Variants in HSPB7 observed in about 807,000 individuals in gnomAD.
HSPB7 encodes the protein heat shock protein beta-7.
A neutral mutation model predicts 11.0 loss-of-function variants in HSPB7; 9 were observed. The observed-to-expected ratio is 0.82, with a 90% CI of 0.49 to 1.43. HSPB7 has a LOEUF of 1.43. Among genes scored for constraint, HSPB7 ranks in the 40% most tolerant of loss-of-function variants. The pLI is 0.00. For missense variants in HSPB7, 246 were observed against 243.9 expected (o/e 1.01, Z -0.06); for synonymous variants, 102 against 101.6 (o/e 1.00, Z -0.02).
At chr1:16,018,197 G>C (rs2021915619), upstream of HSPB7, 2 of 1,503,260 alleles carry the variant, frequency 1.3e-6, no homozygotes, top group East Asian at 2.7e-5. Context: ...CCGACACGCA[G>C]GCCGAGAGGG....
chr1:16,016,072 A>T (rs1235429347), intron 2 of HSPB7, among the ~76,000 whole-genome samples: 1 of 152,222 alleles, frequency 6.6e-6, no homozygotes, highest in South Asian at 2.1e-4. Flanking sequence ...GGGAACGTGG[A>T]GGTGACAGAG....
Position 16,015,624 on chromosome 1 carries a change from T to A in HSPB7, c.469A>T (p.Thr157Ser). 6.2e-7 allele frequency: 1 copy of A among 1,614,020 alleles called. No homozygotes were observed. The highest frequency in any genetic ancestry group is 8.5e-7 in the Non-Finnish European group (1 of 1,179,948). Residue 157 changes from threonine to serine, a missense_variant, in exon 3 of 3, where the codon ACA (threonine) becomes TCA (serine). Physicochemically the swap from Thr to Ser is moderately conservative, Grantham distance 58 (BLOSUM62 1). Coordinates refer to ENST00000311890, the MANE Select transcript of HSPB7 (RefSeq NM_014424.5). This position sits in a 1 kb window ranked among gnomAD's most constrained non-coding sequence, Gnocchi z 4.9. ...LTIRARRHPHTEHVQQTFRTE... is the reference protein window; with the variant it reads ...LTIRARRHPHSEHVQQTFRTE... ...CGGAAGGTCTGCTGGACGTGTTCTG[T>A]ATGCGGGTGACGCCGTGCCCGGATA...
In HSPB7 at chr1:16,015,842, T is replaced by G; in HGVS notation, c.334-83A>C. 1.5e-6 allele frequency: 2 copies of G among 1,339,008 alleles called. No homozygotes were observed. The highest frequency in any genetic ancestry group is 2.0e-6 in the Non-Finnish European group (2 of 985,596). The allele number at this position is 1,339,008 out of a possible 1,614,324, so 82.9% of individuals were successfully genotyped here. On this transcript the variant is annotated intron_variant, in intron 2 of 2. Transcript: ENST00000311890. This position sits in a 1 kb window ranked among gnomAD's most constrained non-coding sequence, Gnocchi z 4.9. ...AGCCAGAGCCCTCTTCTCCCCATTC[T>G]AACCCCAGCCAGACCCCACATGCCG...
At chr1:16,018,534 C>T (rs2021936596), upstream of HSPB7, 1 of 1,082,672 alleles carries the variant, frequency 9.2e-7, no homozygotes, top group South Asian at 2.5e-5. Flanking sequence ...CTTCACAGCC[C>T]ATCTCTAAGG....
rs759465082 is a variant in HSPB7 at position 16,017,180 on chromosome 1, T to A, written c.227A>T (p.Lys76Met). 1.2e-5 allele frequency: 19 copies of A among 1,613,588 alleles called. No individual in the cohort carries two copies. Among genetic ancestry groups the A allele is most frequent in the Non-Finnish European group, 3.4e-6 (4 of 1,179,558 alleles). Residue 76 changes from lysine to methionine, a missense_variant, in exon 2 of 3, where the codon AAG becomes ATG. Coordinates refer to ENST00000311890, the MANE Select transcript of HSPB7 (RefSeq NM_014424.5). ...PARPGGAGNI[K>M]TLGDAYEFAV... ...AAACTCATAGGCGTCTCCTAGGGTC[T>A]TGATGTTGCCTGCCCCACCGGGGCG...
At chr1:16,016,152 C>G (rs2021707234) in intron 2 of HSPB7, among the ~76,000 whole-genome samples, 1 of 152,258 alleles carries the variant, frequency 6.6e-6, no homozygotes, top group South Asian at 2.1e-4. Flanking sequence ...GCCGGCCCCT[C>G]CCCCGCAACT....
At chr1:16,019,298 TCACATGGGCC>T, upstream of HSPB7, 1 of 1,466,980 alleles carries the variant, frequency 6.8e-7, no homozygotes. Context: ...CTGCTCCTGC[TCACATGGGCC>T]CACACCCAGT....
Position 16,015,821 on chromosome 1 carries a change from A to G in HSPB7, c.334-62T>C. 1 of 1,453,630 alleles carries G rather than the reference A, an allele frequency of 6.9e-7. No homozygotes were observed. The highest frequency in any genetic ancestry group is 9.3e-7 in the Non-Finnish European group (1 of 1,076,690). 90.0% of individuals were successfully genotyped at this position (1,453,630 alleles called of 1,614,324 possible). On this transcript the variant is annotated intron_variant, in intron 2 of 2. Coordinates refer to ENST00000311890, the MANE Select transcript of HSPB7 (RefSeq NM_014424.5). The surrounding 1 kb of genome is among the most constrained non-coding windows in gnomAD (Gnocchi z 4.9). The stretch of plus-strand genomic sequence containing the variant: ...ACCCCTGTCCTGCTTGTGACAAGCC[A>G]GAGCCCTCTTCTCCCCATTCTAACC...
Position 16,014,827 on chromosome 1 carries a change from G to T in HSPB7, c.*753C>A. Reference sequence around the variant, plus strand: ...GCCCCAAGAACACAGGCCTGTGGGAGGGAGAAGGACCAGCCCCACCCCCAA... The same window carrying T: ...GCCCCAAGAACACAGGCCTGTGGGATGGAGAAGGACCAGCCCCACCCCCAA... On this transcript the variant is annotated 3_prime_UTR_variant, in exon 3 of 3. Coordinates refer to ENST00000311890, the MANE Select transcript of HSPB7 (RefSeq NM_014424.5). The T allele has an allele frequency of 6.6e-6, 1 of 152,438 alleles. No homozygotes were observed. The highest frequency in any genetic ancestry group is 1.5e-5 in the Non-Finnish European group (1 of 68,106). The allele number at this position is 152,438 out of a possible 1,614,324, so 9.4% of individuals were successfully genotyped here. A position where few individuals can be genotyped will look rare whatever the true frequency, so the allele number is the denominator to read the frequency against.
In HSPB7 at chr1:16,015,782, G is replaced by T. The variant is rs1180253118; in HGVS notation, c.334-23C>A. 5 of 1,558,014 alleles carry T rather than the reference G, an allele frequency of 3.2e-6. No homozygotes were observed. In the African/African-American group the frequency reaches 5.4e-5, roughly 17 times the overall value. ...CAGCTGGGGAAGGGGTGACCCGTCA[G>T]GCAGGCTGCCCCGACCCCTGTCCTG... On this transcript the variant is annotated intron_variant, in intron 2 of 2. Coordinates refer to ENST00000311890, the MANE Select transcript of HSPB7 (RefSeq NM_014424.5). This position sits in a 1 kb window ranked among gnomAD's most constrained non-coding sequence, Gnocchi z 4.9.
At position 16,015,332 on chromosome 1, in the gene HSPB7, C is replaced by G; in HGVS notation, c.*248G>C. ...TAGATCTTCCTTCCCTGACCCCAGC[C>G]CCTGTACTCTGGATTAAGTGACGGA... is the stretch of plus-strand genomic sequence containing the variant. On this transcript the variant is annotated 3_prime_UTR_variant, in exon 3 of 3. Transcript: ENST00000311890. This position sits in a 1 kb window ranked among gnomAD's most constrained non-coding sequence, Gnocchi z 4.9. 3.9e-6 allele frequency: 2 copies of G among 514,696 alleles called. No homozygotes were observed. The highest frequency in any genetic ancestry group is 4.4e-5 in the South Asian group (2 of 45,820). The allele number at this position is 514,696 out of a possible 1,614,324, so 31.9% of individuals were successfully genotyped here.
rs2021559019 is a variant in HSPB7 at position 16,014,544 on chromosome 1, G to C, written c.*1036C>G. On this transcript the variant is annotated 3_prime_UTR_variant, in exon 3 of 3. Coordinates refer to ENST00000311890, the MANE Select transcript of HSPB7 (RefSeq NM_014424.5). ...ATGTTTCCCCGTTAATGAAAATGGA[G>C]ATTGTAAATCTGATTTGAGAAAGCT... 6.6e-6 allele frequency: 1 copy of C among 152,228 alleles called. No individual in the cohort carries two copies. The highest frequency in any genetic ancestry group is 1.5e-5 in the Non-Finnish European group (1 of 68,048). The allele number at this position is 152,228 out of a possible 1,614,324, so 9.4% of individuals were successfully genotyped here. A position where few individuals can be genotyped will look rare whatever the true frequency, so the allele number is the denominator to read the frequency against.
rs1421217407 is a variant in HSPB7, at chr1:16,017,992, C to T, written c.-29G>A. 12 of 1,612,322 alleles carry T rather than the reference C, an allele frequency of 7.4e-6. No homozygotes were observed. Among genetic ancestry groups the T allele is most frequent in the East Asian group, 4.5e-5 (2 of 44,868 alleles). ...CGGACGGCGCCGGGCCCTGCCCAGG[C>T]GGGCGAGGGCTGGACAGGAGAGGGT... On this transcript the variant is annotated 5_prime_UTR_variant, in exon 1 of 3. Coordinates refer to ENST00000311890, the MANE Select transcript of HSPB7 (RefSeq NM_014424.5).
chr1:16,016,398 A>G (rs1557438876), intron 2 of HSPB7, among the ~76,000 whole-genome samples: 3 of 152,160 alleles, frequency 2.0e-5, no homozygotes, highest in African/African-American at 7.2e-5. Context: ...TCCCTGGGCA[A>G]CGCCCCTGTT....
chr1:16,018,857 T>C, upstream of HSPB7: 1 of 1,296,176 alleles, frequency 7.7e-7, no homozygotes, highest in South Asian at 2.4e-5. Flanking sequence ...GGCTCCTGGC[T>C]GCAAGCTGTC....
intron 1 of HSPB7, 190 bp from the exon 2 acceptor site, chr1:16,017,397 A>G (rs575810260): frequency 1.4e-6 from 1 of 691,608 alleles, no homozygotes; most frequent in South Asian, 1.9e-5. Flanking sequence ...CTCACCCAGC[A>G]CAGTGTGTGT....
chr1:16,017,931 C>T lies in HSPB7; in HGVS notation c.33G>A (p.Ala11=), dbSNP rs151303663. 451 of 1,613,404 alleles carry T rather than the reference C, an allele frequency of 2.8e-4. 1 individual carries two copies. Among genetic ancestry groups the T allele is most frequent in the South Asian group, 1.7e-3 (151 of 91,080 alleles). The change falls in exon 1 of 3, where the codon GCG becomes GCA. Residue 11 remains alanine (A), a synonymous_variant. Coordinates refer to ENST00000311890, the MANE Select transcript of HSPB7 (RefSeq NM_014424.5). ...AGGAAGAGGAATGGAAACTTCTCTC[C>T]GCTCGGAAGGTGGAAGAGGTTCTGT... MSHRTSSTFR[A]ERSFHSSSSS...
upstream of HSPB7, chr1:16,019,521 A>G (rs114412157): frequency 1.9e-3 from 2,698 of 1,426,492 alleles, 36 homozygotes; most frequent in African/African-American, 0.034. Flanking sequence ...TGAGCCCCCT[A>G]CAACCCAGTC....
intron 2 of HSPB7, among the ~76,000 whole-genome samples, chr1:16,016,739 T>C (rs920362314): frequency 6.6e-6 from 1 of 151,698 alleles, no homozygotes; most frequent in African/African-American, 2.4e-5. Context: ...CACTCTGCCA[T>C]CACCATCTCA....
Sources: allele counts gnomAD v4.1 joint callset (sites outside exome capture counted in the v4.1 genomes callset), GRCh38; gene constraint gnomAD v4.1.1; non-coding constraint Gnocchi (gnomAD v3.1); transcripts MANE v1.5; gene names NCBI Gene and HGNC (gene_info 2026-07-23, HGNC 2026-07-21).